Variants in ADK observed in about 807,000 individuals in gnomAD.
ADK encodes the protein N6,N6-dimethyladenosine kinase.
ADK carries 24 observed loss-of-function variants against 44.7 expected under a neutral mutation model. That is an observed-to-expected ratio of 0.54 (90% CI 0.39 to 0.76). ADK has a LOEUF of 0.76. Among genes scored for constraint, ADK ranks in the 30% least tolerant of loss-of-function variants. The pLI, the probability that ADK is intolerant of heterozygous loss-of-function variation, is 0.00. For missense variants in ADK, 321 were observed against 425.1 expected, an observed-to-expected ratio of 0.76 and a Z score of 2.15; for synonymous variants, 128 against 142.6, an observed-to-expected ratio of 0.90 and a Z score of 0.73.
chr10:74,348,255 C>A lies in ADK; in HGVS notation c.273+33510C>A, dbSNP rs115162491. Among the ~76,000 whole-genome samples the A allele has an allele frequency of 3.7e-3, 565 of 152,284 alleles. 2 individuals carry two copies. The highest frequency in any genetic ancestry group is 0.013 in the African/African-American group (528 of 41,564). On this transcript the variant is annotated intron_variant, in intron 4 of 10. Transcript: ENST00000539909. ...AGGAAGGACCAGGCAACAATCTTTG[C>A]TGTTCTGCAGCCTCCATTGGTGATA...
intron 3 of ADK, among the ~76,000 whole-genome samples, chr10:74,257,482 A>C (rs898789722): frequency 1.3e-5 from 2 of 152,202 alleles, no homozygotes; most frequent in Non-Finnish European, 2.9e-5. Flanking sequence ...TGGTGATATT[A>C]ATACTTAAAT....
intron 10 of ADK, among the ~76,000 whole-genome samples, chr10:74,696,793 C>G (rs1005623399): frequency 3.3e-5 from 5 of 152,084 alleles, no homozygotes; most frequent in Non-Finnish European, 7.4e-5. Flanking sequence ...ACAATATTTT[C>G]ACTTGCTTTC....
intron 7 of ADK, among the ~76,000 whole-genome samples, chr10:74,585,006 T>C (rs549432376): frequency 6.6e-6 from 1 of 152,340 alleles, no homozygotes; most frequent in East Asian, 1.9e-4. Flanking sequence ...TCCTCCATAG[T>C]TGTCTTTCAT....
At chr10:74,652,615 C>T (rs117945229) in intron 9 of ADK, among the ~76,000 whole-genome samples, 293 of 151,686 alleles carry the variant, frequency 1.9e-3, no homozygotes, top group Non-Finnish European at 3.5e-3. Flanking sequence ...CAAAAATTAG[C>T]CGGCTGTAGT....
At chr10:74,519,347 C>T (rs757604074) in intron 6 of ADK, among the ~76,000 whole-genome samples, 12 of 151,938 alleles carry the variant, frequency 7.9e-5, no homozygotes, top group South Asian at 2.1e-4. Flanking sequence ...TTTAGTTTCA[C>T]GATCATACTA....
At chr10:74,486,617 T>C (rs1294389686) in intron 6 of ADK, among the ~76,000 whole-genome samples, 2 of 152,206 alleles carry the variant, frequency 1.3e-5, no homozygotes, top group Non-Finnish European at 2.9e-5. Flanking sequence ...GTATGGATTA[T>C]GGCCTCTGAG....
chr10:74,526,167 T>C (rs1179433945), intron 7 of ADK, among the ~76,000 whole-genome samples: 1 of 151,976 alleles, frequency 6.6e-6, no homozygotes, highest in Non-Finnish European at 1.5e-5. Flanking sequence ...TAAATTTTGA[T>C]ATATTACATT....
At chr10:74,478,557 G>A (rs368460422) in intron 6 of ADK, among the ~76,000 whole-genome samples, 13 of 152,178 alleles carry the variant, frequency 8.5e-5, no homozygotes, top group African/African-American at 2.9e-4. Context: ...ACCTGAGCAC[G>A]CACATATATT....
At chr10:74,401,610 T>A (rs1564700377) in intron 6 of ADK, among the ~76,000 whole-genome samples, 1 of 152,078 alleles carries the variant, frequency 6.6e-6, no homozygotes. Flanking sequence ...TCTTCCTCCA[T>A]CCCTTTATTT....
chr10:74,574,469 ATTCTTGC>A (rs1851111209), intron 7 of ADK, among the ~76,000 whole-genome samples: 1 of 152,162 alleles, frequency 6.6e-6, no homozygotes, highest in African/African-American at 2.4e-5. Context: ...GTGCCTGGCC[ATTCTTGC>A]TACTTTCATA....
chr10:74,632,019 CT>C lies in ADK; in HGVS notation c.877+31535del, dbSNP rs537588781. On this transcript the variant is annotated intron_variant, in intron 9 of 10. Coordinates refer to ENST00000539909, the MANE Select transcript of ADK (RefSeq NM_006721.4). ...ATTTCCTTATTTAAAGTATACAATT[CT>C]TTTTTTTTGTATATTCATAGGTTGT... 5.6e-3 allele frequency among the ~76,000 whole-genome samples: 850 copies of C among 151,068 alleles called. 5 individuals are homozygous for C. The highest frequency in any genetic ancestry group is 9.2e-3 in the Non-Finnish European group (624 of 67,702).
At chr10:74,459,253 C>G (rs1846068538) in intron 6 of ADK, among the ~76,000 whole-genome samples, 1 of 151,338 alleles carries the variant, frequency 6.6e-6, no homozygotes, top group African/African-American at 2.4e-5. Flanking sequence ...TGCACTCCAG[C>G]CTGGGCAACA....
At chr10:74,329,364 A>G (rs898209218) in intron 4 of ADK, among the ~76,000 whole-genome samples, 1 of 152,192 alleles carries the variant, frequency 6.6e-6, no homozygotes, top group Non-Finnish European at 1.5e-5. Flanking sequence ...AAGCTGGGCA[A>G]GTATGAACTT....
chr10:74,478,561 A>C (rs1846946531), intron 6 of ADK, among the ~76,000 whole-genome samples: 1 of 152,060 alleles, frequency 6.6e-6, no homozygotes, highest in Admixed American at 6.5e-5. Context: ...GAGCACGCAC[A>C]TATATTTCTT....
chr10:74,453,133 A>T (rs1268515114), intron 6 of ADK, among the ~76,000 whole-genome samples: 1 of 152,068 alleles, frequency 6.6e-6, no homozygotes, highest in African/African-American at 2.4e-5. Flanking sequence ...AGATTTTTTT[A>T]AAACAGTTAA....
rs1488315174 is a variant in ADK, at chr10:74,695,535, T to G, written c.965-12786T>G. ...GTGTATATATGTATATGTATATATGTATGTATATTCTATATACAAAGCTGC... is the reference window on the plus strand; with the variant it reads ...GTGTATATATGTATATGTATATATGGATGTATATTCTATATACAAAGCTGC... On this transcript the variant is annotated intron_variant, in intron 10 of 10. Coordinates refer to ENST00000539909, the MANE Select transcript of ADK (RefSeq NM_006721.4). Among the ~76,000 whole-genome samples the G allele has an allele frequency of 2.0e-5, 3 of 151,372 alleles. No homozygotes were observed. In the East Asian group the frequency reaches 5.8e-4, roughly 29 times the overall value.
At chr10:74,235,972 A>G (rs1844944052) in intron 3 of ADK, among the ~76,000 whole-genome samples, 1 of 152,192 alleles carries the variant, frequency 6.6e-6, no homozygotes, top group African/African-American at 2.4e-5. Flanking sequence ...GTTGCTGAGC[A>G]GAAGCTGGCA....
intron 2 of ADK, among the ~76,000 whole-genome samples, chr10:74,219,166 G>A (rs1315349332): frequency 6.6e-6 from 1 of 151,838 alleles, no homozygotes; most frequent in East Asian, 1.9e-4. Flanking sequence ...ATAAAAGGAT[G>A]GAGGAAGATC....
In ADK at chr10:74,180,456, C is replaced by CTTT. The variant is rs1199684944; in HGVS notation, c.66-20289_66-20287dup. Reference sequence around the variant, plus strand: ...GTTTCATCATGTTGGCCAGGCTAGTCTTTTTTTTTTTTTTTTTTTTTGAGA... The same window carrying CTTT: ...GTTTCATCATGTTGGCCAGGCTAGTCTTTTTTTTTTTTTTTTTTTTTTTTGAGA... On this transcript the variant is annotated intron_variant, in intron 1 of 10. Coordinates refer to ENST00000539909, the MANE Select transcript of ADK (RefSeq NM_006721.4). 6.3e-4 allele frequency among the ~76,000 whole-genome samples: 43 copies of CTTT among 68,250 alleles called. 3 individuals carry two copies. Among genetic ancestry groups the CTTT allele is most frequent in the African/African-American group, 1.4e-3 (20 of 14,750 alleles). 44.8% of individuals were successfully genotyped at this position (68,250 alleles called of 152,430 possible).
Sources: gnomAD v4.1 joint callset for allele counts (sites outside exome capture counted in the v4.1 genomes callset) on GRCh38, gnomAD v4.1.1 for gene constraint, MANE v1.5 for transcripts, NCBI Gene and HGNC (gene_info 2026-07-23, HGNC 2026-07-21) for gene names.